The following ARMC2 variants were observed in gnomAD, a reference collection of about 807,000 sequenced individuals.
ARMC2 encodes armadillo repeat-containing protein 2.
ARMC2 carries 67 observed loss-of-function variants against 90.3 expected under a neutral mutation model. The ratio of observed to expected loss-of-function variants is 0.74; its 90% CI spans 0.61 to 0.91. The LOEUF (loss-of-function observed/expected upper bound fraction) is 0.91. Among genes scored for constraint, ARMC2 ranks in the 40% least tolerant of loss-of-function variants. ARMC2 has a pLI of 0.00. For synonymous variants in ARMC2, 393 were observed against 393.0 expected (o/e 1.00, Z 0.00); for missense variants, 920 against 1,030.9 (o/e 0.89, Z 1.47).
chr6:108,965,192 G>GT, intron 17 of ARMC2, 52 bp downstream of exon 17: 3 of 1,497,592 alleles, frequency 2.0e-6, no homozygotes, highest in Non-Finnish European at 1.8e-6. Flanking sequence ...GTGTGAGATA[G>GT]TTTTTTTCTG....
chr6:108,955,025 G>A (rs1272076139), intron 13 of ARMC2, among the ~76,000 whole-genome samples: 12 of 152,086 alleles, frequency 7.9e-5, no homozygotes, highest in Admixed American at 7.9e-4. Flanking sequence ...GCACACTCTG[G>A]GGTCCCTTCT....
the ARMC2 span, chr6:109,002,306 C>CT: frequency 6.2e-7 from 1 of 1,613,394 alleles, no homozygotes; most frequent in Non-Finnish European, 8.5e-7. Flanking sequence ...TCTGCTTGGT[C>CT]CCTGTCCTAG....
At chr6:108,946,208 A>G (rs1434856613) in intron 12 of ARMC2, among the ~76,000 whole-genome samples, 2 of 152,226 alleles carry the variant, frequency 1.3e-5, no homozygotes, top group African/African-American at 2.4e-5. Context: ...TTGAAAAAGA[A>G]CTTAGCACAG....
the ARMC2 span, among the ~76,000 whole-genome samples, chr6:108,997,037 G>A: frequency 3.3e-5 from 5 of 152,242 alleles, no homozygotes; most frequent in South Asian, 1.0e-3. Context: ...AGGGTTGGGA[G>A]GGAGGGAAAA....
the ARMC2 span, chr6:109,009,225 T>C: frequency 5.6e-6 from 5 of 896,020 alleles, no homozygotes; most frequent in Admixed American, 2.2e-4. Context: ...CCGCCCTATC[T>C]GGGGAGCGTT....
At chr6:108,907,492 A>G (rs942445770) in intron 8 of ARMC2, 3 of 331,200 alleles carry the variant, frequency 9.1e-6, no homozygotes, top group South Asian at 1.5e-4. Context: ...GTCATCTTTT[A>G]TTTGGAGGTT....
chr6:108,976,829 T>C (rs965814832), downstream of ARMC2, among the ~76,000 whole-genome samples: 1 of 152,238 alleles, frequency 6.6e-6, no homozygotes, highest in Non-Finnish European at 1.5e-5. Context: ...ATAAGAATGC[T>C]TGTGATTTTT....
intron 7 of ARMC2, among the ~76,000 whole-genome samples, chr6:108,900,643 G>A (rs2806371): frequency 0.49 from 74,105 of 151,962 alleles, 19,941 homozygotes; most frequent in Admixed American, 0.6. Context: ...ATTACTGAAA[G>A]GTTCAAATGA....
chr6:108,943,551 G>A (rs925003978), intron 12 of ARMC2, among the ~76,000 whole-genome samples: 9 of 152,156 alleles, frequency 5.9e-5, no homozygotes, highest in African/African-American at 1.9e-4. Context: ...GCTGGGCACA[G>A]GTGGCTCAGA....
chr6:108,868,008 T>G (rs1776001329), intron 3 of ARMC2, among the ~76,000 whole-genome samples: 1 of 152,138 alleles, frequency 6.6e-6, no homozygotes, highest in Non-Finnish European at 1.5e-5. Context: ...GCTTTTATGT[T>G]TTATGACTTT....
chr6:108,894,420 A>G (rs761832688), intron 5 of ARMC2, 47 bp from the exon 6 acceptor site: 33 of 1,504,242 alleles, frequency 2.2e-5, no homozygotes, highest in Non-Finnish European at 2.6e-5. Flanking sequence ...TTACAAAATT[A>G]GAAGTGTTTT....
chr6:109,020,198 T>TA, the ARMC2 span, among the ~76,000 whole-genome samples: 3 of 152,204 alleles, frequency 2.0e-5, no homozygotes, highest in Non-Finnish European at 4.4e-5. Flanking sequence ...TTCTTTTTTT[T>TA]ATGTATTGTC....
At chr6:109,009,246 G>T in the ARMC2 span, 1 of 1,031,050 alleles carries the variant, frequency 9.7e-7, no homozygotes, top group Non-Finnish European at 1.3e-6. Context: ...TTCGGATGCT[G>T]ACCGGGAGCG....
chr6:109,006,470 C>G, the ARMC2 span, among the ~76,000 whole-genome samples: 3 of 141,802 alleles, frequency 2.1e-5, no homozygotes, highest in Non-Finnish European at 4.6e-5. Context: ...CACGACAGGC[C>G]CCGGTGTGTG....
intron 10 of ARMC2, among the ~76,000 whole-genome samples, chr6:108,913,314 CA>C (rs1295355843): frequency 6.6e-6 from 1 of 152,110 alleles, no homozygotes; most frequent in Non-Finnish European, 1.5e-5. Flanking sequence ...CACACTAAGC[CA>C]TTGGGAAACT....
intron 13 of ARMC2, among the ~76,000 whole-genome samples, chr6:108,960,291 C>T (rs571751493): frequency 1.8e-4 from 27 of 152,326 alleles, no homozygotes; most frequent in Middle Eastern, 3.4e-3. Flanking sequence ...GCCACATCTC[C>T]GCCATCACCC....
the ARMC2 span, among the ~76,000 whole-genome samples, chr6:109,012,591 C>G: frequency 1.8e-4 from 28 of 152,124 alleles, no homozygotes; most frequent in African/African-American, 5.3e-4. Context: ...AGATAGGCTT[C>G]CTGAAGGAAA....
chr6:108,985,446 A>C, the ARMC2 span, among the ~76,000 whole-genome samples: 1 of 152,234 alleles, frequency 6.6e-6, no homozygotes. Context: ...CAAAGATTAT[A>C]TAGTAACATT....
At chr6:108,877,657 A>G (rs1315497776) in intron 5 of ARMC2, among the ~76,000 whole-genome samples, 1 of 152,222 alleles carries the variant, frequency 6.6e-6, no homozygotes, top group Non-Finnish European at 1.5e-5. Context: ...AGTAAAAAGG[A>G]AACATTTATC....
Sources: allele counts gnomAD v4.1 joint callset (sites outside exome capture counted in the v4.1 genomes callset), GRCh38; gene constraint gnomAD v4.1.1; transcripts MANE v1.5; gene names NCBI Gene and HGNC (gene_info 2026-07-23, HGNC 2026-07-21).